The following ANXA10 variants were observed in gnomAD, a reference collection of about 807,000 sequenced individuals.
The protein encoded by ANXA10 is annexin 14.
ANXA10 carries 49 observed loss-of-function variants against 53.5 expected under a neutral mutation model. The observed-to-expected ratio is 0.92, with a 90% CI of 0.73 to 1.16. The LOEUF is 1.16. Among genes scored for constraint, ANXA10 ranks in the 50% most tolerant of loss-of-function variants. The pLI, the probability that ANXA10 is intolerant of heterozygous loss-of-function variation, is 0.00. For missense variants in ANXA10, 393 were observed against 394.4 expected, an observed-to-expected ratio of 1.00 and a Z score of 0.03; for synonymous variants, 131 against 128.9, an observed-to-expected ratio of 1.02 and a Z score of -0.11.
intron 1 of ANXA10, among the ~76,000 whole-genome samples, chr4:168,094,398 A>AATATCAGT (rs1195381069): frequency 6.6e-6 from 1 of 152,162 alleles, no homozygotes; most frequent in East Asian, 1.9e-4. Flanking sequence ...TTACATAATC[A>AATATCAGT]ATATCAGTAT....
At chr4:168,127,679 A>G in intron 1 of ANXA10, 1 of 405,484 alleles carries the variant, frequency 2.5e-6, no homozygotes, top group Non-Finnish European at 4.8e-6. Flanking sequence ...AGATAAAATG[A>G]ACTCAACCAA....
chr4:168,153,448 C>CAAA (rs1731538010), intron 3 of ANXA10, among the ~76,000 whole-genome samples: 1 of 38,468 alleles, frequency 2.6e-5, no homozygotes, highest in Non-Finnish European at 6.0e-5. Context: ...AAAACAAAAA[C>CAAA]AAAAACAAAA....
chr4:168,146,449 T>C (rs900542779), intron 3 of ANXA10, among the ~76,000 whole-genome samples: 12 of 152,202 alleles, frequency 7.9e-5, no homozygotes. Context: ...CAATATCCTA[T>C]GAATTGTGAT....
At chr4:168,131,205 T>C (rs1335263114) in intron 2 of ANXA10, among the ~76,000 whole-genome samples, 1 of 152,024 alleles carries the variant, frequency 6.6e-6, no homozygotes, top group Non-Finnish European at 1.5e-5. Flanking sequence ...TTTTAAAAAT[T>C]CTCTTGTCAC....
chr4:168,139,581 GT>G lies in ANXA10; in HGVS notation c.195+2del. The G allele has an allele frequency of 6.2e-7, 1 of 1,606,268 alleles. No homozygotes were observed. The highest frequency in any genetic ancestry group is 8.5e-7 in the Non-Finnish European group (1 of 1,173,750). On this transcript the variant is annotated splice_donor_variant, in intron 3 of 11. Transcript: ENST00000359299. LOFTEE classifies it high-confidence loss of function. ...GGCATACCAGAGCATGTATGGCCGG[GT>G]AAGGCCACTTTATCTTGACCTATTT...
Position 168,182,318 on chromosome 4 carries a change from A to ATTTTTTTTTTTTTTTTTTTTTTTTTT in ANXA10, c.783+582_783+607dup. 2.2e-4 allele frequency among the ~76,000 whole-genome samples: 11 copies of ATTTTTTTTTTTTTTTTTTTTTTTTTT among 49,754 alleles called. 4 individuals carry two copies. Among genetic ancestry groups the ATTTTTTTTTTTTTTTTTTTTTTTTTT allele is most frequent in the African/African-American group, 7.4e-4 (7 of 9,462 alleles). The allele number at this position is 49,754 out of a possible 152,430, so 32.6% of individuals were successfully genotyped here. ...CAGTCGCACATACTTTGGAGCATTAATTTTTTTTTTTTTTTTTTTTTTTTT... is the reference window on the plus strand; with the variant it reads ...CAGTCGCACATACTTTGGAGCATTAATTTTTTTTTTTTTTTTTTTTTTTTTTTTTTTTTTTTTTTTTTTTTTTTTTT... On this transcript the variant is annotated intron_variant, in intron 10 of 11. Coordinates refer to ENST00000359299, the MANE Select transcript of ANXA10 (RefSeq NM_007193.5).
chr4:168,160,351 T>A (rs1334712206), intron 3 of ANXA10, among the ~76,000 whole-genome samples: 1 of 152,116 alleles, frequency 6.6e-6, no homozygotes, highest in Non-Finnish European at 1.5e-5. Flanking sequence ...CAGAGGATAA[T>A]GGCTTCCAAC....
intron 11 of ANXA10, among the ~76,000 whole-genome samples, chr4:168,184,958 A>T (rs924439986): frequency 1.3e-5 from 2 of 152,098 alleles, no homozygotes; most frequent in East Asian, 3.9e-4. Context: ...ATCCAGACCA[A>T]CCTGGCTAAC....
Position 168,110,485 on chromosome 4 carries a change from G to A in ANXA10, c.19-17599G>A, listed in dbSNP as rs546233405. ...TGAGATTGGTACATCTTATTTCATT[G>A]ACTAGAATAGAAATGCTGTGTAGGG... is the stretch of plus-strand genomic sequence containing the variant. On this transcript the variant is annotated intron_variant, in intron 1 of 11. Coordinates refer to ENST00000359299, the MANE Select transcript of ANXA10 (RefSeq NM_007193.5). 4.5e-5 allele frequency among the ~76,000 whole-genome samples: 6 copies of A among 133,334 alleles called. No homozygotes were observed. The South Asian group carries it at 1.4e-3, about 32-fold the overall frequency. The allele number at this position is 133,334 out of a possible 152,430, so 87.5% of individuals were successfully genotyped here. A position where few individuals can be genotyped will look rare whatever the true frequency, so the allele number is the denominator to read the frequency against.
chr4:168,154,705 A>G (rs754272681), intron 3 of ANXA10, among the ~76,000 whole-genome samples: 1 of 152,102 alleles, frequency 6.6e-6, no homozygotes, highest in Non-Finnish European at 1.5e-5. Flanking sequence ...GGTACCACCT[A>G]TTTGCTATGT....
intron 5 of ANXA10, among the ~76,000 whole-genome samples, 196 bp downstream of exon 5, chr4:168,164,484 CAAGTT>C (rs562945946): frequency 1.2e-4 from 19 of 152,040 alleles, no homozygotes; most frequent in Non-Finnish European, 2.4e-4. Context: ...TCTAGACAAT[CAAGTT>C]AAGCAAATTT....
At chr4:168,134,984 G>C (rs984961576) in intron 2 of ANXA10, among the ~76,000 whole-genome samples, 3 of 152,126 alleles carry the variant, frequency 2.0e-5, no homozygotes, top group Non-Finnish European at 4.4e-5. Flanking sequence ...TAACATTCTA[G>C]CTTTTCAATT....
At chr4:168,127,403 T>TG (rs1211284351) in intron 1 of ANXA10, among the ~76,000 whole-genome samples, 1 of 152,188 alleles carries the variant, frequency 6.6e-6, no homozygotes, top group Admixed American at 6.5e-5. Flanking sequence ...ATTATTTTTA[T>TG]GTTTTTCTAA....
At chr4:168,169,766 C>CCA (rs1276994470) in intron 6 of ANXA10, among the ~76,000 whole-genome samples, 1 of 152,172 alleles carries the variant, frequency 6.6e-6, no homozygotes, top group Non-Finnish European at 1.5e-5. Flanking sequence ...CCATTTGGTT[C>CCA]CACTCCAATT....
chr4:168,118,160 T>G (rs953309541), intron 1 of ANXA10, among the ~76,000 whole-genome samples: 1 of 152,020 alleles, frequency 6.6e-6, no homozygotes, highest in African/African-American at 2.4e-5. Context: ...TAGAGGACCT[T>G]CTGTGTATAA....
chr4:168,097,917 C>G (rs1730577929), intron 1 of ANXA10, among the ~76,000 whole-genome samples: 1 of 152,046 alleles, frequency 6.6e-6, no homozygotes, highest in African/African-American at 2.4e-5. Flanking sequence ...AATAAGAAGA[C>G]TTCAATTTGT....
chr4:168,164,298 T>TATAC lies in ANXA10; in HGVS notation c.400+14_400+17dup, dbSNP rs1346498176. 3 of 1,577,214 alleles carry TATAC rather than the reference T, an allele frequency of 1.9e-6. No homozygotes were observed. The highest frequency in any genetic ancestry group is 2.6e-6 in the Non-Finnish European group (3 of 1,147,736). Reference sequence around the variant, plus strand: ...GAAGCCTACTGCTTGCGTAAGGAAATATACATATGTGAATATATTTTACAC... The same window carrying TATAC: ...GAAGCCTACTGCTTGCGTAAGGAAATATACATACATATGTGAATATATTTTACAC... On this transcript the variant is annotated intron_variant, in intron 5 of 11. Coordinates refer to ENST00000359299, the MANE Select transcript of ANXA10 (RefSeq NM_007193.5).
chr4:168,093,676 C>T (rs762804087), intron 1 of ANXA10, among the ~76,000 whole-genome samples: 95 of 151,636 alleles, frequency 6.3e-4, no homozygotes, highest in Non-Finnish European at 1.2e-3. Flanking sequence ...GACTCCATCT[C>T]AAAAAACAAA....
chr4:168,155,371 A>C (rs1404056576), intron 3 of ANXA10, among the ~76,000 whole-genome samples: 1 of 106,696 alleles, frequency 9.4e-6, no homozygotes, highest in Non-Finnish European at 1.8e-5. Flanking sequence ...ATAATGTATT[A>C]TATATTATAT....
Sources: gnomAD v4.1 joint callset for allele counts (sites outside exome capture counted in the v4.1 genomes callset) on GRCh38, gnomAD v4.1.1 for gene constraint, MANE v1.5 for transcripts, NCBI Gene and HGNC (gene_info 2026-07-23, HGNC 2026-07-21) for gene names.